Variants in ITIH4 observed in about 807,000 individuals in gnomAD.
ITIH4 encodes inter-alpha-trypsin inhibitor heavy chain 4.
Under a neutral mutation model 111.8 loss-of-function variants are expected in ITIH4, and 79 were observed. The ratio of observed to expected loss-of-function variants is 0.71; its 90% confidence interval spans 0.59 to 0.85. The LOEUF (loss-of-function observed/expected upper bound fraction) is 0.85. Ranked by LOEUF, ITIH4 falls within the 40% of genes least tolerant of loss-of-function variation. The pLI is 0.00. For synonymous variants in ITIH4, 472 were observed against 468.3 expected (o/e 1.01, Z -0.10); for missense variants, 1,065 against 1,195.8 (o/e 0.89, Z 1.61).
intron 20 of ITIH4, 63 bp from the exon 21 acceptor site, chr3:52,817,121 T>C (rs2240917): frequency 0.41 from 587,191 of 1,439,842 alleles, 124,101 homozygotes; most frequent in African/African-American, 0.67. Flanking sequence ...CCGACCTGCA[T>C]GGGGAGTCCC....
chr3:52,830,344 G>GA (rs1375481897), intron 1 of ITIH4: 18 of 660,854 alleles, frequency 2.7e-5, no homozygotes, highest in Admixed American at 6.2e-5. Flanking sequence ...TTGGAAAATG[G>GA]AAATGATTGG....
chr3:52,821,877 A>G (rs1326967583), intron 11 of ITIH4, among the ~76,000 whole-genome samples: 1 of 152,264 alleles, frequency 6.6e-6, no homozygotes, highest in East Asian at 1.9e-4. Flanking sequence ...GTCTGCTCCC[A>G]CTGGAGCAGC....
Position 52,830,563 on chromosome 3 carries a change from G to A in ITIH4, c.80C>T (p.Thr27Ile), listed in dbSNP as rs1700552520. ...ATGGACACTGGCTACCTTTTCGGCA[G>A]TAGTAGTCTGGTGGATGGCCAGCAG... is the stretch of plus-strand genomic sequence containing the variant. Reference protein sequence around the residue: ...LSLLAIHQTTTAEKNGIDIYS... With the variant: ...LSLLAIHQTTIAEKNGIDIYS... Residue 27 changes from threonine (T) to isoleucine (I), a missense_variant, in exon 1 of 24, where the codon ACT becomes ATT. Coordinates refer to ENST00000266041, the MANE Select transcript of ITIH4 (RefSeq NM_002218.5). 5 of 1,614,150 alleles carry A rather than the reference G, an allele frequency of 3.1e-6. No homozygotes were observed. The highest frequency in any genetic ancestry group is 1.1e-5 in the South Asian group (1 of 91,086).
In ITIH4 at chr3:52,830,574, G is replaced by A; in HGVS notation, c.69C>T (p.His23=). ...VLVLLSLLAI[H]QTTTAEKNGI... is the part of the protein sequence containing the mutation. ...CTACCTTTTCGGCAGTAGTAGTCTG[G>A]TGGATGGCCAGCAGTGAAAGCAGGA... Residue 23 remains histidine, a synonymous_variant, in exon 1 of 24, where the codon CAC becomes CAT. Coordinates refer to ENST00000266041, the MANE Select transcript of ITIH4 (RefSeq NM_002218.5). The A allele has an allele frequency of 1.2e-6, 2 of 1,614,206 alleles. No individual in the cohort carries two copies. The highest frequency in any genetic ancestry group is 1.7e-6 in the Non-Finnish European group (2 of 1,180,014).
chr3:52,818,257 C>T lies in ITIH4; in HGVS notation c.2179G>A (p.Ala727Thr), dbSNP rs755321987. 2 of 1,582,836 alleles carry T rather than the reference C, an allele frequency of 1.3e-6. No individual in the cohort carries two copies. The highest frequency in any genetic ancestry group is 3.6e-5 in the Admixed American group (2 of 56,102). Residue 727 changes from alanine to threonine, a missense_variant and splice_region_variant, in exon 19 of 24, where the codon GCC (alanine) becomes ACC (threonine). By Grantham distance (58) the Ala-to-Thr change is moderately conservative. Coordinates refer to ENST00000266041, the MANE Select transcript of ITIH4 (RefSeq NM_002218.5). Reference sequence around the variant, plus strand: ...GGGGCCAAGGGGGCTGGGAACTTACCTGGGGTTTGGGTTGTCATGGTTGTT... The same window carrying T: ...GGGGCCAAGGGGGCTGGGAACTTACTTGGGGTTTGGGTTGTCATGGTTGTT... ...EETTMTTQTPAPIQAPSAILP... is the reference protein window; with the variant it reads ...EETTMTTQTPTPIQAPSAILP...
chr3:52,818,434 AG>A, intron 18 of ITIH4, 27 bp downstream of exon 18: 2 of 1,585,542 alleles, frequency 1.3e-6, no homozygotes. Flanking sequence ...TCCCCCTGTT[AG>A]GACAGGGCCT....
Position 52,819,330 on chromosome 3 carries a change from T to C in ITIH4, c.2077+63A>G, listed in dbSNP as rs920329069. 3.9e-5 allele frequency: 63 copies of C among 1,601,054 alleles called. No homozygotes were observed. The Admixed American group carries it at 1.0e-3, about 26-fold the overall frequency. On this transcript the variant is annotated intron_variant, in intron 17 of 23. Transcript: ENST00000266041. Reference sequence around the variant, plus strand: ...GCGTGCTTTACCCCACCCCCCTCTATGGGGCAGGCTCAAGGACCACCGTGG... The same window carrying C: ...GCGTGCTTTACCCCACCCCCCTCTACGGGGCAGGCTCAAGGACCACCGTGG...
chr3:52,827,203 G>T lies in ITIH4; in HGVS notation c.252-6C>A, dbSNP rs1054409532. ...AGGTCATGCCATCGATGATCCTGGG[G>T]GCAGAAGGGTGGGAGTTGTTGAGAG... On this transcript the variant is annotated splice_polypyrimidine_tract_variant and splice_region_variant and intron_variant, in intron 2 of 23. Transcript: ENST00000266041. 2 of 1,610,594 alleles carry T rather than the reference G, an allele frequency of 1.2e-6. No individual in the cohort carries two copies. The highest frequency in any genetic ancestry group is 3.3e-5 in the Admixed American group (2 of 60,016).
At position 52,818,290 on chromosome 3, in the gene ITIH4, G is replaced by A; in HGVS notation, c.2153-7C>T. 6.3e-7 allele frequency: 1 copy of A among 1,576,016 alleles called. No homozygotes were observed. On this transcript the variant is annotated splice_polypyrimidine_tract_variant and splice_region_variant and intron_variant, in intron 18 of 23. Transcript: ENST00000266041. ...TGGGTTGTCATGGTTGTTTCTAAAAGAAGAAAAAGTCTGGGTTTAGGCAGC... is the reference window on the plus strand; with the variant it reads ...TGGGTTGTCATGGTTGTTTCTAAAAAAAGAAAAAGTCTGGGTTTAGGCAGC...
intron 4 of ITIH4, 64 bp downstream of exon 4, chr3:52,826,727 G>A (rs1700484256): frequency 1.9e-6 from 3 of 1,610,204 alleles, no homozygotes; most frequent in Admixed American, 3.3e-5. Flanking sequence ...GGACAAAGAG[G>A]GGCCGCCCTC....
Position 52,824,975 on chromosome 3 carries a change from A to T in ITIH4, c.760-17T>A. On this transcript the variant is annotated splice_polypyrimidine_tract_variant and intron_variant, in intron 6 of 23. Transcript: ENST00000266041. The surrounding 1 kb of genome is among the most constrained non-coding windows in gnomAD (Gnocchi z 4.3). ...GTTCTCGATCTGTGGCCAGAGTGAG[A>T]CCCACCCAGGCCATCAGAGCTACAA... is the stretch of plus-strand genomic sequence containing the variant. 1 of 1,557,278 alleles carries T rather than the reference A, an allele frequency of 6.4e-7. No homozygotes were observed. Among genetic ancestry groups the T allele is most frequent in the Non-Finnish European group, 8.8e-7 (1 of 1,134,302 alleles).
chr3:52,825,844 C>A, intron 6 of ITIH4, 42 bp downstream of exon 6: 1 of 1,585,814 alleles, frequency 6.3e-7, no homozygotes, highest in Non-Finnish European at 8.6e-7. Flanking sequence ...TGGGGGTGGA[C>A]AGACTTCTAG....
intron 18 of ITIH4, 50 bp downstream of exon 18, chr3:52,818,412 C>A: frequency 6.3e-7 from 1 of 1,579,330 alleles, no homozygotes; most frequent in South Asian, 1.1e-5. Context: ...ACAGGTCACT[C>A]CCCTCCCAGG....
In ITIH4 at chr3:52,824,736, C is replaced by T; in HGVS notation, c.876+106G>A. ...CCTTGGTTCCTGAGAGCCACCCGCC[C>T]CATGGTGCCGAAAGGTGAAGCAAGG... On this transcript the variant is annotated intron_variant, in intron 7 of 23. Coordinates refer to ENST00000266041, the MANE Select transcript of ITIH4 (RefSeq NM_002218.5). This position sits in a 1 kb window ranked among gnomAD's most constrained non-coding sequence, Gnocchi z 4.3. 2 of 1,248,714 alleles carry T rather than the reference C, an allele frequency of 1.6e-6. No homozygotes were observed. The highest frequency in any genetic ancestry group is 2.8e-5 in the South Asian group (2 of 71,528). The allele number at this position is 1,248,714 out of a possible 1,614,324, so 77.4% of individuals were successfully genotyped here.
At chr3:52,825,858 G>A (rs1195911116) in intron 6 of ITIH4, 28 bp downstream of exon 6, 1 of 1,608,772 alleles carries the variant, frequency 6.2e-7, no homozygotes, top group Non-Finnish European at 8.5e-7. Flanking sequence ...CTTCTAGGCT[G>A]CTCTGCTCTT....
intron 2 of ITIH4, among the ~76,000 whole-genome samples, chr3:52,828,426 G>T (rs1204638574): frequency 6.6e-6 from 1 of 152,202 alleles, no homozygotes; most frequent in Non-Finnish European, 1.5e-5. Flanking sequence ...CACAGTGTGG[G>T]ACCCCACATG....
In ITIH4 at chr3:52,814,262, C is replaced by T. The variant is rs146210920; in HGVS notation, c.2573G>A (p.Arg858Gln). 119 of 1,613,714 alleles carry T rather than the reference C, an allele frequency of 7.4e-5. No homozygotes were observed. Among genetic ancestry groups the T allele is most frequent in the East Asian group, 1.1e-4 (5 of 44,884 alleles). The part of the protein sequence containing the change: ...LFWDGRGEGL[R>Q]LLLRDTDRFS... ...GCGGTCAGTGTCACGCAGAAGGAGC[C>T]GGAGCCCCTCCCCACGGCCATCCCA... Residue 858 changes from arginine to glutamine, a missense_variant, in exon 22 of 24, where the codon CGG (arginine) becomes CAG (glutamine). Transcript: ENST00000266041.
At chr3:52,823,160 A>G (rs1331052262) in intron 11 of ITIH4, among the ~76,000 whole-genome samples, 7 of 152,152 alleles carry the variant, frequency 4.6e-5, no homozygotes, top group Admixed American at 2.0e-4. Flanking sequence ...CCACGTGGCA[A>G]GCTGGGCTCT....
chr3:52,814,281 C>T lies in ITIH4; in HGVS notation c.2554G>A (p.Gly852Ser), dbSNP rs1242807624. The T allele has an allele frequency of 1.9e-6, 3 of 1,614,076 alleles. No individual in the cohort carries two copies. The highest frequency in any genetic ancestry group is 2.5e-6 in the Non-Finnish European group (3 of 1,180,040). Residue 852 changes from glycine to serine, a missense_variant, in exon 22 of 24, where the codon GGC becomes AGC. By Grantham distance (56) the Gly-to-Ser change is moderately conservative. Coordinates refer to ENST00000266041, the MANE Select transcript of ITIH4 (RefSeq NM_002218.5). ...AGGAGCCGGAGCCCCTCCCCACGGC[C>T]ATCCCAGAACAACAGGCCGATGGTC... is the stretch of plus-strand genomic sequence containing the variant. ...KVTIGLLFWD[G>S]RGEGLRLLLR... is the part of the protein sequence containing the mutation.
Sources: gnomAD v4.1 joint callset for allele counts (sites outside exome capture counted in the v4.1 genomes callset) on GRCh38, gnomAD v4.1.1 for gene constraint, Gnocchi (gnomAD v3.1) non-coding constraint, MANE v1.5 for transcripts, NCBI Gene and HGNC (gene_info 2026-07-23, HGNC 2026-07-21) for gene names.